NOL10: variants seen among roughly 807,000 people sequenced by gnomAD.
NOL10 encodes nucleolar protein 10.
NOL10 carries 58 observed loss-of-function variants against 103.5 expected under a neutral mutation model. That is an observed-to-expected ratio of 0.56 (90% CI 0.45 to 0.70). The LOEUF (loss-of-function observed/expected upper bound fraction) is 0.70, where lower values mean the gene tolerates loss of function less well. Among genes scored for constraint, NOL10 ranks in the 30% least tolerant of loss-of-function variants. The pLI is 0.00. For missense variants in NOL10, 763 were observed against 807.3 expected (o/e 0.95, Z 0.67); for synonymous variants, 287 against 282.5 (o/e 1.02, Z -0.16).
chr2:10,600,760 C>A, intron 17 of NOL10, 93 bp downstream of exon 17: 1 of 825,860 alleles, frequency 1.2e-6, no homozygotes, highest in Non-Finnish European at 2.0e-6. Flanking sequence ...AAAAGTCCTA[C>A]ATGTATTTTT....
chr2:10,681,660 T>C (rs1298759876), intron 3 of NOL10, among the ~76,000 whole-genome samples: 1 of 152,226 alleles, frequency 6.6e-6, no homozygotes, highest in African/African-American at 2.4e-5. Flanking sequence ...AATGATATAC[T>C]TGCTGAAGTG....
At chr2:10,574,505 G>A (rs925188431) in intron 20 of NOL10, among the ~76,000 whole-genome samples, 1 of 152,078 alleles carries the variant, frequency 6.6e-6, no homozygotes, top group African/African-American at 2.4e-5. Context: ...AAATTAGCTG[G>A]GCATGGTGGC....
chr2:10,654,780 A>G (rs920429219), intron 11 of NOL10, among the ~76,000 whole-genome samples: 4 of 150,986 alleles, frequency 2.6e-5, no homozygotes, highest in African/African-American at 9.7e-5. Flanking sequence ...TGACCTGTCC[A>G]AAAAAAAGAA....
At position 10,673,573 on chromosome 2, in the gene NOL10, T is replaced by C. The variant is rs776202919; in HGVS notation, c.290-16A>G. On this transcript the variant is annotated splice_polypyrimidine_tract_variant and intron_variant, in intron 4 of 20. Transcript: ENST00000381685. ...AAGGTGACAACTGAAAAACAAGAAATAGGAAAAATACAATTATCAAACAAT... is the reference window on the plus strand; with the variant it reads ...AAGGTGACAACTGAAAAACAAGAAACAGGAAAAATACAATTATCAAACAAT... The C allele has an allele frequency of 3.9e-6, 6 of 1,536,528 alleles. No homozygotes were observed. Among genetic ancestry groups the C allele is most frequent in the Non-Finnish European group, 5.4e-6 (6 of 1,120,688 alleles).
At chr2:10,672,780 G>T (rs1368323173) in intron 5 of NOL10, among the ~76,000 whole-genome samples, 2 of 152,144 alleles carry the variant, frequency 1.3e-5, no homozygotes, top group African/African-American at 2.4e-5. Flanking sequence ...ATCACTTGAG[G>T]TCAAGAGTTT....
At chr2:10,644,283 T>A in intron 13 of NOL10, 37 bp downstream of exon 13, 1 of 1,361,802 alleles carries the variant, frequency 7.3e-7, no homozygotes, top group Non-Finnish European at 9.9e-7. Flanking sequence ...TCTTTGCTTG[T>A]CCTATTTTTA....
chr2:10,589,116 G>A lies in NOL10; in HGVS notation c.1771C>T (p.Gln591Ter), dbSNP rs1313144176. The A allele has an allele frequency of 6.2e-7, 1 of 1,613,958 alleles. No homozygotes were observed. The highest frequency in any genetic ancestry group is 8.5e-7 in the Non-Finnish European group (1 of 1,179,892). Residue 591 changes from glutamine to a stop codon, truncating the protein, a stop_gained, in exon 19 of 21, where the codon CAG becomes TAG. Transcript: ENST00000381685. LOFTEE classifies it high-confidence loss of function. ...KEDQQTVLKP[Q>*]FYEIKAGEEF... ...TCTCCTGCTTTGATCTCATAAAACT[G>A]GGGCTTTAGGACTGTCTGCTGGTCC...
Position 10,684,566 on chromosome 2 carries a change from C to A in NOL10, c.112+1G>T. 1 of 1,574,184 alleles carries A rather than the reference C, an allele frequency of 6.4e-7. No individual in the cohort carries two copies. Among genetic ancestry groups the A allele is most frequent in the Non-Finnish European group, 8.6e-7 (1 of 1,157,840 alleles). On this transcript the variant is annotated splice_donor_variant, in intron 2 of 20. Transcript: ENST00000381685. LOFTEE classifies it high-confidence loss of function. ...CTGAAGTGGGAAAAAACAATACTCA[C>A]CTACATCTTTCTTCTGTAGCGCTCT... is the stretch of plus-strand genomic sequence containing the variant.
intron 17 of NOL10, among the ~76,000 whole-genome samples, chr2:10,598,755 G>A (rs1241709958): frequency 1.3e-5 from 2 of 151,900 alleles, no homozygotes; most frequent in East Asian, 3.8e-4. Context: ...AAGTTTAGGA[G>A]GAGAAAAAAG....
intron 1 of NOL10, 21 bp from the exon 2 acceptor site, chr2:10,684,633 T>C: frequency 1.3e-6 from 2 of 1,544,330 alleles, no homozygotes; most frequent in Non-Finnish European, 1.8e-6. Context: ...ATGAAGAGAG[T>C]TTATTTTAAA....
intron 17 of NOL10, among the ~76,000 whole-genome samples, chr2:10,598,585 A>G (rs755184054): frequency 5.7e-4 from 87 of 152,320 alleles, no homozygotes; most frequent in Non-Finnish European, 1.5e-4. Flanking sequence ...AAAGTGTCCC[A>G]GTGGAAGTGA....
chr2:10,613,518 ATG>A (rs1224616506), intron 13 of NOL10, among the ~76,000 whole-genome samples: 3 of 152,246 alleles, frequency 2.0e-5, no homozygotes, highest in Non-Finnish European at 4.4e-5. Flanking sequence ...CTGAGAGGCT[ATG>A]GTTTCATAAC....
At chr2:10,660,852 C>T (rs901467264) in intron 9 of NOL10, among the ~76,000 whole-genome samples, 2 of 151,612 alleles carry the variant, frequency 1.3e-5, no homozygotes, top group Middle Eastern at 6.8e-3. Context: ...TCAACACTTA[C>T]ACTTATTGCC....
intron 17 of NOL10, among the ~76,000 whole-genome samples, chr2:10,595,436 C>A (rs148246961): frequency 0.016 from 2,431 of 152,262 alleles, 59 homozygotes; most frequent in African/African-American, 0.056. Context: ...TCCTGAGTAG[C>A]TGGGACCACA....
chr2:10,603,035 G>C (rs768818110), intron 15 of NOL10, 43 bp downstream of exon 15: 1 of 1,460,562 alleles, frequency 6.8e-7, no homozygotes, highest in Non-Finnish European at 9.5e-7. Context: ...CACAGACTGC[G>C]CATTAGTTAC....
chr2:10,662,988 G>T lies in NOL10; in HGVS notation c.648C>A (p.Cys216Ter). ...AATCTGCTGTGACACTGTTTAAGGC[G>T]CAGTCTAACAGGCCAACTCTGTTTC... is the stretch of plus-strand genomic sequence containing the variant. The part of the protein sequence containing the change: ...RTRNRVGLLD[C>*]ALNSVTADSE... Residue 216 changes from cysteine (C) to a stop codon, truncating the protein, a stop_gained, in exon 9 of 21, where the codon TGC (cysteine) becomes TGA (stop). Coordinates refer to ENST00000381685, the MANE Select transcript of NOL10 (RefSeq NM_024894.4). LOFTEE classifies it high-confidence loss of function. 1 of 1,613,708 alleles carries T rather than the reference G, an allele frequency of 6.2e-7. No individual in the cohort carries two copies. The highest frequency in any genetic ancestry group is 8.5e-7 in the Non-Finnish European group (1 of 1,179,668).
intron 1 of NOL10, among the ~76,000 whole-genome samples, chr2:10,686,735 T>TGAGA (rs1682236451): frequency 6.6e-6 from 1 of 152,008 alleles, no homozygotes; most frequent in African/African-American, 2.4e-5. Context: ...GTGGATTGTA[T>TGAGA]GAGAGCAAAG....
At position 10,638,483 on chromosome 2, in the gene NOL10, C is replaced by CTTTTTTTTTT. The variant is rs869294782; in HGVS notation, c.1026+5827_1026+5836dup. 4.0e-4 allele frequency among the ~76,000 whole-genome samples: 31 copies of CTTTTTTTTTT among 77,776 alleles called. 3 individuals are homozygous for CTTTTTTTTTT. Among genetic ancestry groups the CTTTTTTTTTT allele is most frequent in the African/African-American group, 7.0e-4 (13 of 18,674 alleles). 51.0% of individuals were successfully genotyped at this position (77,776 alleles called of 152,430 possible). Reference sequence around the variant, plus strand: ...GCACATACCCTTATAGCTGAATTCCCTTTTTTTTTTTTTTTTTTTTTTTTT... The same window carrying CTTTTTTTTTT: ...GCACATACCCTTATAGCTGAATTCCCTTTTTTTTTTTTTTTTTTTTTTTTTTTTTTTTTTT... On this transcript the variant is annotated intron_variant, in intron 13 of 20. Coordinates refer to ENST00000381685, the MANE Select transcript of NOL10 (RefSeq NM_024894.4).
intron 16 of NOL10, among the ~76,000 whole-genome samples, chr2:10,601,185 T>C (rs1247615437): frequency 6.6e-6 from 1 of 151,672 alleles, no homozygotes; most frequent in Non-Finnish European, 1.5e-5. Context: ...TGTCTCAGCC[T>C]CCCGAGTAGC....
Sources: gnomAD v4.1 joint callset for allele counts (sites outside exome capture counted in the v4.1 genomes callset) on GRCh38, gnomAD v4.1.1 for gene constraint, MANE v1.5 for transcripts, NCBI Gene and HGNC (gene_info 2026-07-23, HGNC 2026-07-21) for gene names.